ARRDC2: variants seen among roughly 807,000 people sequenced by gnomAD.
The protein encoded by ARRDC2 is arrestin domain-containing protein 2.
ARRDC2 carries 39 observed loss-of-function variants against 38.9 expected under a neutral mutation model. The observed-to-expected ratio is 1.00, with a 90% confidence interval of 0.78 to 1.31. The LOEUF (loss-of-function observed/expected upper bound fraction) is 1.31, where lower values mean the gene tolerates loss of function less well. Ranked by LOEUF, ARRDC2 falls within the 50% of genes most tolerant of loss-of-function variation. The pLI is 0.00. For synonymous variants in ARRDC2, 300 were observed against 261.9 expected, an observed-to-expected ratio of 1.15 and a Z score of -1.41; for missense variants, 553 against 588.4, an observed-to-expected ratio of 0.94 and a Z score of 0.62.
upstream of ARRDC2, among the ~76,000 whole-genome samples, chr19:18,005,893 G>T (rs2033265628): frequency 1.3e-5 from 2 of 148,242 alleles, no homozygotes; most frequent in South Asian, 2.1e-4. Context: ...GGGCGGAGGG[G>T]CTCCTCACTT....
chr19:18,011,807 A>T (rs2033416721), intron 7 of ARRDC2, among the ~76,000 whole-genome samples: 1 of 151,742 alleles, frequency 6.6e-6, no homozygotes, highest in Admixed American at 6.6e-5. Flanking sequence ...TGCAGTGAGC[A>T]ATGATTGTGC....
In ARRDC2 at chr19:18,008,468, G is replaced by T. The variant is rs770566707; in HGVS notation, c.158G>T (p.Gly53Val). Residue 53 changes from glycine (G) to valine (V), a missense_variant, in exon 1 of 8, where the codon GGC becomes GTC. By Grantham distance (109) the Gly-to-Val change is moderately radical. Coordinates refer to ENST00000222250, the MANE Select transcript of ARRDC2 (RefSeq NM_015683.2). Reference protein sequence around the residue: ...RVGALRLRARGRAHVHWTESR... With the variant: ...RVGALRLRARVRAHVHWTESR... Reference sequence around the variant, plus strand: ...GGTGCCCTGAGGCTGCGCGCGCGGGGCCGCGCCCACGTGCACTGGACCGAG... The same window carrying T: ...GGTGCCCTGAGGCTGCGCGCGCGGGTCCGCGCCCACGTGCACTGGACCGAG... 1.3e-6 allele frequency: 2 copies of T among 1,531,266 alleles called. No homozygotes were observed. The highest frequency in any genetic ancestry group is 4.2e-5 in the Admixed American group (2 of 47,960). 94.9% of individuals were successfully genotyped at this position (1,531,266 alleles called of 1,614,324 possible). A position where few individuals can be genotyped will look rare whatever the true frequency, so the allele number is the denominator to read the frequency against.
In ARRDC2 at chr19:18,013,311, C is replaced by T. The variant is rs1234238830; in HGVS notation, c.*345C>T. 2 of 235,682 alleles carry T rather than the reference C, an allele frequency of 8.5e-6. No homozygotes were observed. The highest frequency in any genetic ancestry group is 1.6e-5 in the Non-Finnish European group (2 of 121,578). 14.6% of individuals were successfully genotyped at this position (235,682 alleles called of 1,614,324 possible). A position where few individuals can be genotyped will look rare whatever the true frequency, so the allele number is the denominator to read the frequency against. ...CCAGACATAGACAGTTCCAGCATCA[C>T]AGAACCAGAAGAAGAGACCTGCAAC... On this transcript the variant is annotated 3_prime_UTR_variant, in exon 8 of 8. Transcript: ENST00000222250.
rs2033447458 is a variant in ARRDC2, at chr19:18,013,135, GC to G, written c.*172del. On this transcript the variant is annotated 3_prime_UTR_variant, in exon 8 of 8. Transcript: ENST00000222250. Reference sequence around the variant, plus strand: ...GGATATCACATGGGACAGAGGAAGAGCCCGGCTGGAATCTGACTTACCTGGA... The same window carrying G: ...GGATATCACATGGGACAGAGGAAGAGCCGGCTGGAATCTGACTTACCTGGA... 4.5e-6 allele frequency: 3 copies of G among 666,350 alleles called. No homozygotes were observed. The East Asian group carries it at 8.6e-5, about 19-fold the overall frequency. The allele number at this position is 666,350 out of a possible 1,614,324, so 41.3% of individuals were successfully genotyped here.
intron 1 of ARRDC2, among the ~76,000 whole-genome samples, chr19:18,002,067 G>A (rs2033195800): frequency 2.0e-5 from 3 of 152,178 alleles, no homozygotes; most frequent in African/African-American, 7.2e-5. Context: ...TAGAGTCCAG[G>A]AAACCCGCGG....
chr19:18,012,272 G>A (rs1210489895), intron 7 of ARRDC2, among the ~76,000 whole-genome samples: 1 of 151,712 alleles, frequency 6.6e-6, no homozygotes, highest in Non-Finnish European at 1.5e-5. Context: ...AAGTATTATA[G>A]GTAATCTAGA....
chr19:18,008,699 TCCTA>T lies in ARRDC2; in HGVS notation c.275-8_275-5del, dbSNP rs774230847. The T allele has an allele frequency of 1.2e-6, 2 of 1,612,636 alleles. No homozygotes were observed. Among genetic ancestry groups the T allele is most frequent in the East Asian group, 4.5e-5 (2 of 44,846 alleles). ...CAACCGCTCAGTCGCCTCCTTTTTC[TCCTA>T]CCTGCAGATACCGGGGAGACCACGA... On this transcript the variant is annotated splice_region_variant and splice_polypyrimidine_tract_variant and intron_variant, in intron 1 of 7. Transcript: ENST00000222250.
At chr19:18,006,594 G>C (rs187756160), upstream of ARRDC2, among the ~76,000 whole-genome samples, 1,564 of 151,748 alleles carry the variant, frequency 0.01, 17 homozygotes, top group Non-Finnish European at 0.017. Context: ...TGCTCGGCAT[G>C]AGAGGGAGAC....
chr19:18,005,733 C>T (rs1385980765), upstream of ARRDC2, among the ~76,000 whole-genome samples: 1 of 151,744 alleles, frequency 6.6e-6, no homozygotes, highest in South Asian at 2.1e-4. Flanking sequence ...CCCCCCGCCT[C>T]CCTCCCAGAC....
upstream of ARRDC2, among the ~76,000 whole-genome samples, chr19:18,005,744 G>A (rs2033261557): frequency 6.6e-6 from 1 of 152,044 alleles, no homozygotes; most frequent in South Asian, 2.1e-4. Flanking sequence ...CCTCCCAGAC[G>A]GGGCGACTGG....
upstream of ARRDC2, chr19:18,008,134 CTGCCGTA>C: frequency 7.7e-7 from 1 of 1,301,160 alleles, no homozygotes; most frequent in Non-Finnish European, 9.9e-7. Flanking sequence ...CCCCCCCGCC[CTGCCGTA>C]TAAAAGCGGC....
intron 1 of ARRDC2, chr19:18,001,652 A>C: frequency 6.4e-6 from 8 of 1,243,264 alleles, no homozygotes; most frequent in Non-Finnish European, 8.1e-6. Flanking sequence ...GAAGCCTCTC[A>C]ACTTAGAACC....
At chr19:18,002,593 T>A (rs2033202164) in intron 1 of ARRDC2, among the ~76,000 whole-genome samples, 1 of 152,150 alleles carries the variant, frequency 6.6e-6, no homozygotes, top group Admixed American at 6.5e-5. Context: ...AGCCCCACTT[T>A]TTTCCCAGCG....
Position 18,008,250 on chromosome 19 carries a change from G to A in ARRDC2, c.-61G>A, listed in dbSNP as rs1044679362. On this transcript the variant is annotated 5_prime_UTR_variant, in exon 1 of 8. Transcript: ENST00000222250. ...TGAGGCTGCAGCGTCGGCATCTTGA[G>A]CTGCCGGTTCGCGAGTTCGAGGCCA... 6.4e-7 allele frequency: 1 copy of A among 1,561,918 alleles called. No individual in the cohort carries two copies. Among genetic ancestry groups the A allele is most frequent in the African/African-American group, 1.4e-5 (1 of 70,954 alleles).
upstream of ARRDC2, chr19:18,007,940 C>T (rs536180418): frequency 3.9e-5 from 14 of 361,048 alleles, no homozygotes; most frequent in Non-Finnish European, 6.9e-5. Flanking sequence ...CCCCGGGGTC[C>T]GCGAGAGACC....
intron 6 of ARRDC2, 60 bp downstream of exon 6, chr19:18,010,418 G>A (rs766469220): frequency 2.7e-5 from 43 of 1,573,604 alleles, no homozygotes; most frequent in Admixed American, 2.3e-4. Flanking sequence ...GGTGGATGCC[G>A]GGTCAACTCT....
chr19:18,011,762 G>A (rs1363548956), intron 7 of ARRDC2, among the ~76,000 whole-genome samples: 2 of 151,594 alleles, frequency 1.3e-5, no homozygotes, highest in African/African-American at 4.8e-5. Flanking sequence ...GGGAGGCTGA[G>A]GCAGGAGGAT....
chr19:18,012,557 AGCCTGG>A (rs2033434989), intron 7 of ARRDC2, among the ~76,000 whole-genome samples: 1 of 152,190 alleles, frequency 6.6e-6, no homozygotes, highest in African/African-American at 2.4e-5. Flanking sequence ...ACTGCATTCC[AGCCTGG>A]GTGACAAAGC....
At chr19:18,003,435 T>TTTTG (rs2033216504), upstream of ARRDC2, among the ~76,000 whole-genome samples, 22 of 149,776 alleles carry the variant, frequency 1.5e-4, no homozygotes, top group East Asian at 6.1e-4. Flanking sequence ...CCCGGCTAAC[T>TTTTG]TTTTGTTTTG....
Sources: gnomAD v4.1 joint callset for allele counts (sites outside exome capture counted in the v4.1 genomes callset) on GRCh38, gnomAD v4.1.1 for gene constraint, MANE v1.5 for transcripts, NCBI Gene and HGNC (gene_info 2026-07-23, HGNC 2026-07-21) for gene names.